ASIC2: variants seen among roughly 807,000 people sequenced by gnomAD.
ASIC2 encodes acid-sensing ion channel 2.
ASIC2 carries 25 observed loss-of-function variants against 57.3 expected under a neutral mutation model. The observed-to-expected ratio is 0.44, with a 90% CI of 0.32 to 0.61. The LOEUF (loss-of-function observed/expected upper bound fraction) is 0.61. Among genes scored for constraint, ASIC2 ranks in the 20% least tolerant of loss-of-function variants. The pLI is 0.06. For missense variants in ASIC2, 641 were observed against 738.1 expected (o/e 0.87, Z 1.52); for synonymous variants, 319 against 307.5 (o/e 1.04, Z -0.39).
In ASIC2 at chr17:33,403,719, C is replaced by A. The variant is rs906632966; in HGVS notation, c.556-291652G>T. ...CCAGCCTTCCTCATCAAGTAACCAACCTCCATCATCATTTGACATTACCCT... is the reference window on the plus strand; with the variant it reads ...CCAGCCTTCCTCATCAAGTAACCAAACTCCATCATCATTTGACATTACCCT... On this transcript the variant is annotated intron_variant, in intron 1 of 9. Coordinates refer to the ASIC2 transcript ENST00000359872. 5.9e-5 allele frequency among the ~76,000 whole-genome samples: 9 copies of A among 152,160 alleles called. No homozygotes were observed. In the South Asian group the frequency reaches 6.2e-4, roughly 11 times the overall value.
intron 7 of ASIC2, among the ~76,000 whole-genome samples, chr17:33,019,307 TGTGGGTCTGTGGAGGTGAGCAGA>T (rs1415893495): frequency 6.6e-6 from 1 of 151,542 alleles, no homozygotes; most frequent in Non-Finnish European, 1.5e-5. Flanking sequence ...TGTGTGTGAG[TGTGGGTCTGTGGAGGTGAGCAGA>T]GTGTGTCGAG....
At chr17:33,077,654 C>A (rs2092094766) in intron 3 of ASIC2, among the ~76,000 whole-genome samples, 2 of 152,142 alleles carry the variant, frequency 1.3e-5, no homozygotes, top group Admixed American at 6.5e-5. Context: ...TACTAGCCCA[C>A]AGAGAATGAT....
intron 1 of ASIC2, among the ~76,000 whole-genome samples, chr17:33,154,204 A>C (rs905163461): frequency 2.6e-5 from 4 of 152,160 alleles, no homozygotes; most frequent in African/African-American, 9.7e-5. Context: ...GCAGGGTCTC[A>C]CTATGTTGCC....
intron 1 of ASIC2, among the ~76,000 whole-genome samples, chr17:33,443,173 A>G (rs1236396511): frequency 2.0e-5 from 3 of 152,096 alleles, no homozygotes; most frequent in Admixed American, 1.3e-4. Context: ...ATATTTAGAA[A>G]ATTTTGCATC....
chr17:33,794,452 G>A (rs932284601), intron 1 of ASIC2: 1 of 152,458 alleles, frequency 6.6e-6, no homozygotes, highest in Admixed American at 6.5e-5. Context: ...GGAACCATTG[G>A]TGAATGGGTG....
chr17:33,291,600 G>A lies in ASIC2; in HGVS notation c.516C>T (p.Ser172=). 2 of 1,607,986 alleles carry A rather than the reference G, an allele frequency of 1.2e-6. No homozygotes were observed. Among genetic ancestry groups the A allele is most frequent in the Non-Finnish European group, 1.7e-6 (2 of 1,178,168 alleles). Residue 172 remains serine (S), a synonymous_variant, in exon 1 of 10, where the codon AGC becomes AGT. Coordinates refer to ENST00000225823, the MANE Select transcript of ASIC2 (RefSeq NM_183377.2). ...LPNRTARPLV[S]ELLRGDEPRR... ...GCGGCTCGTCGCCCCGCAGCAGCTC[G>A]CTGACAAGCGGGCGCGCGGTGCGGT... is the stretch of plus-strand genomic sequence containing the variant.
intron 1 of ASIC2, among the ~76,000 whole-genome samples, chr17:33,459,262 TTGCTGAGTATC>T (rs1912556016): frequency 6.6e-6 from 1 of 152,074 alleles, no homozygotes; most frequent in African/African-American, 2.4e-5. Flanking sequence ...GTCTGTGCTC[TTGCTGAGTATC>T]TGGCCTGTTT....
intron 1 of ASIC2, among the ~76,000 whole-genome samples, chr17:33,429,943 C>A (rs2141977529): frequency 6.6e-6 from 1 of 152,260 alleles, no homozygotes; most frequent in South Asian, 2.1e-4. Flanking sequence ...AAAAGGGATC[C>A]AGTGCACAGG....
At chr17:33,266,389 T>C (rs1270877462) in intron 1 of ASIC2, among the ~76,000 whole-genome samples, 1 of 152,194 alleles carries the variant, frequency 6.6e-6, no homozygotes, top group African/African-American at 2.4e-5. Context: ...TGAAGTTCCA[T>C]TTTGGCACAA....
At chr17:33,147,910 G>A (rs999135899) in intron 1 of ASIC2, among the ~76,000 whole-genome samples, 1 of 152,166 alleles carries the variant, frequency 6.6e-6, no homozygotes, top group African/African-American at 2.4e-5. Flanking sequence ...CTGGAGGACC[G>A]GGATGCATAG....
intron 1 of ASIC2, among the ~76,000 whole-genome samples, chr17:33,994,265 TAAG>T (rs1567781394): frequency 2.0e-5 from 3 of 152,142 alleles, no homozygotes; most frequent in African/African-American, 7.2e-5. Context: ...TCCCAAATTA[TAAG>T]AAGAGCCATG....
At chr17:33,841,062 A>G (rs533261781) in intron 1 of ASIC2, among the ~76,000 whole-genome samples, 2 of 152,320 alleles carry the variant, frequency 1.3e-5, no homozygotes, top group East Asian at 3.9e-4. Context: ...CTGAAAAAAA[A>G]AGACTCAACT....
chr17:33,460,130 GAC>G (rs1221982388), intron 1 of ASIC2, among the ~76,000 whole-genome samples: 3 of 152,250 alleles, frequency 2.0e-5, no homozygotes, highest in Non-Finnish European at 2.9e-5. Context: ...CCTTTATCCT[GAC>G]CTCGGTGTCC....
At chr17:34,074,056 A>G (rs1293394712) in intron 1 of ASIC2, among the ~76,000 whole-genome samples, 1 of 152,186 alleles carries the variant, frequency 6.6e-6, no homozygotes, top group East Asian at 1.9e-4. Context: ...TTAGACCAAG[A>G]TGAAGTTTCA....
At chr17:33,031,099 T>C (rs1372370149) in intron 3 of ASIC2, among the ~76,000 whole-genome samples, 1 of 152,160 alleles carries the variant, frequency 6.6e-6, no homozygotes. Context: ...CTAACTTAAA[T>C]GTTTGATAGA....
intron 1 of ASIC2, among the ~76,000 whole-genome samples, chr17:33,274,581 A>G (rs188641399): frequency 6.6e-6 from 1 of 152,312 alleles, no homozygotes; most frequent in Admixed American, 6.5e-5. Flanking sequence ...GGCTCCTAGA[A>G]TGTCCATCCT....
At chr17:33,192,530 T>A (rs1301060994) in intron 1 of ASIC2, among the ~76,000 whole-genome samples, 8 of 152,182 alleles carry the variant, frequency 5.3e-5, no homozygotes. Flanking sequence ...ACTATTGACA[T>A]CCCCTGCTGG....
chr17:33,599,311 T>C (rs1257472097), intron 1 of ASIC2, among the ~76,000 whole-genome samples: 4 of 151,946 alleles, frequency 2.6e-5, no homozygotes, highest in Non-Finnish European at 5.9e-5. Context: ...ACCCTGAAGG[T>C]TGGGGAGGCC....
At chr17:34,077,216 C>T (rs1444649540) in intron 1 of ASIC2, among the ~76,000 whole-genome samples, 2 of 152,120 alleles carry the variant, frequency 1.3e-5, no homozygotes, top group African/African-American at 4.8e-5. Context: ...GGGAAAGAGG[C>T]CAGGAATCCA....
Sources: allele counts gnomAD v4.1 joint callset (sites outside exome capture counted in the v4.1 genomes callset), GRCh38; gene constraint gnomAD v4.1.1; transcripts MANE v1.5; gene names NCBI Gene and HGNC (gene_info 2026-07-23, HGNC 2026-07-21).